The following MAP3K20 variants were observed in gnomAD, a reference collection of about 807,000 sequenced individuals.
MAP3K20 encodes the protein mitogen-activated protein kinase kinase kinase 20.
A neutral mutation model predicts 85.7 loss-of-function variants in MAP3K20; 40 were observed. That is an observed-to-expected ratio of 0.47 (90% confidence interval 0.36 to 0.61). The LOEUF (loss-of-function observed/expected upper bound fraction) is 0.61, where lower values mean the gene tolerates loss of function less well. Ranked by LOEUF, MAP3K20 falls within the 20% of genes least tolerant of loss-of-function variation. MAP3K20 has a pLI of 0.00. For synonymous variants in MAP3K20, 325 were observed against 327.7 expected (o/e 0.99, Z 0.09); for missense variants, 817 against 961.7 (o/e 0.85, Z 1.99).
At position 173,267,768 on chromosome 2, in the gene MAP3K20, A is replaced by T. The variant is rs568918356; in HGVS notation, c.*1018A>T. ...ACAATAACATCACAAGCTAAAAGCCAGAGAAATTTAAAATTACCAACATCC... is the reference window on the plus strand; with the variant it reads ...ACAATAACATCACAAGCTAAAAGCCTGAGAAATTTAAAATTACCAACATCC... On this transcript the variant is annotated 3_prime_UTR_variant, in exon 20 of 20. Transcript: ENST00000375213. 2.0e-5 allele frequency: 3 copies of T among 152,388 alleles called. No homozygotes were observed. The East Asian group carries it at 5.8e-4, about 29-fold the overall frequency. The allele number at this position is 152,388 out of a possible 1,614,324, so 9.4% of individuals were successfully genotyped here. A position where few individuals can be genotyped will look rare whatever the true frequency, so the allele number is the denominator to read the frequency against.
At position 173,229,617 on chromosome 2, in the gene MAP3K20, A is replaced by T. The variant is rs10193498; in HGVS notation, c.988-72A>T. 0.27 allele frequency: 433,946 copies of T among 1,591,642 alleles called. 64,109 individuals carry two copies. The highest frequency in any genetic ancestry group is 0.62 in the East Asian group (27,708 of 44,622). ...AGCAGCTGAGAGCTGAAAGAGTGAG[A>T]CAAGAGGATGAACCAAAAAGACAAT... is the stretch of plus-strand genomic sequence containing the variant. On this transcript the variant is annotated intron_variant, in intron 11 of 19. Coordinates refer to ENST00000375213, the MANE Select transcript of MAP3K20 (RefSeq NM_016653.3).
chr2:173,219,528 A>G (rs897569078), intron 11 of MAP3K20, among the ~76,000 whole-genome samples: 2 of 152,220 alleles, frequency 1.3e-5, no homozygotes, highest in Non-Finnish European at 2.9e-5. Context: ...GCAATGAGCC[A>G]CAAAGAGTTC....
At chr2:173,086,458 A>G (rs1687149036) in intron 1 of MAP3K20, among the ~76,000 whole-genome samples, 1 of 152,230 alleles carries the variant, frequency 6.6e-6, no homozygotes, top group Admixed American at 6.5e-5. Context: ...TGCCAAGCTC[A>G]CTGGAGTTAA....
intron 2 of MAP3K20, among the ~76,000 whole-genome samples, chr2:173,126,669 C>A (rs1688453415): frequency 6.6e-6 from 1 of 152,052 alleles, no homozygotes; most frequent in Admixed American, 6.5e-5. Flanking sequence ...CGTGAGCCAC[C>A]GTGCCCAGCT....
chr2:173,210,074 G>A (rs571780738), intron 10 of MAP3K20: 15 of 456,242 alleles, frequency 3.3e-5, no homozygotes, highest in Non-Finnish European at 5.2e-5. Flanking sequence ...TATTGAGGCC[G>A]GTCGCGGTGG....
intron 9 of MAP3K20, 114 bp downstream of exon 9, chr2:173,203,984 C>T: frequency 2.2e-6 from 2 of 917,524 alleles, no homozygotes; most frequent in South Asian, 1.4e-5. Context: ...TGGATTGATG[C>T]TCCTATGAGC....
At chr2:173,076,515 C>G (rs1016233700) in intron 1 of MAP3K20, among the ~76,000 whole-genome samples, 1 of 152,252 alleles carries the variant, frequency 6.6e-6, no homozygotes, top group African/African-American at 2.4e-5. Flanking sequence ...CGACGAACTT[C>G]TGCTTTTCTA....
intron 1 of MAP3K20, among the ~76,000 whole-genome samples, chr2:173,080,768 G>A (rs923943136): frequency 6.6e-6 from 1 of 152,144 alleles, no homozygotes; most frequent in African/African-American, 2.4e-5. Flanking sequence ...GGGTATGTAG[G>A]TTTTCATAAC....
chr2:173,243,839 G>T (rs1189484734), intron 16 of MAP3K20, among the ~76,000 whole-genome samples: 4 of 152,150 alleles, frequency 2.6e-5, no homozygotes, highest in African/African-American at 7.2e-5. Flanking sequence ...TAGTAGCCAG[G>T]ATGGTCTCGA....
chr2:173,175,590 G>C (rs1690129732), intron 3 of MAP3K20, among the ~76,000 whole-genome samples: 1 of 152,080 alleles, frequency 6.6e-6, no homozygotes, highest in African/African-American at 2.4e-5. Context: ...CCATATGTAT[G>C]AAGTTTATAA....
rs372431136 is a variant in MAP3K20 at position 173,218,024 on chromosome 2, T to C, written c.987+774T>C. Among the ~76,000 whole-genome samples the C allele has an allele frequency of 1.9e-4, 29 of 152,326 alleles. 1 individual carries two copies. Among genetic ancestry groups the C allele is most frequent in the African/African-American group, 4.8e-4 (20 of 41,580 alleles). ...AGTATAAATTTATAATTGTTTTTTTTCCCAGGGTTTTTAATGGGCAATATT... is the reference window on the plus strand; with the variant it reads ...AGTATAAATTTATAATTGTTTTTTTCCCCAGGGTTTTTAATGGGCAATATT... On this transcript the variant is annotated intron_variant, in intron 11 of 19. Coordinates refer to ENST00000375213, the MANE Select transcript of MAP3K20 (RefSeq NM_016653.3).
chr2:173,149,901 A>G (rs1254921414), intron 2 of MAP3K20, among the ~76,000 whole-genome samples: 8 of 152,216 alleles, frequency 5.3e-5, no homozygotes, highest in Non-Finnish European at 2.9e-5. Context: ...TACAGTACAT[A>G]TTTTGGGGCC....
chr2:173,127,477 A>G (rs1045971962), intron 2 of MAP3K20, among the ~76,000 whole-genome samples: 3 of 152,250 alleles, frequency 2.0e-5, no homozygotes, highest in Non-Finnish European at 4.4e-5. Flanking sequence ...CCCAGCTTAC[A>G]ACAAGCACGT....
At chr2:173,111,683 C>T (rs947341248) in intron 2 of MAP3K20, among the ~76,000 whole-genome samples, 1 of 152,154 alleles carries the variant, frequency 6.6e-6, no homozygotes, top group Non-Finnish European at 1.5e-5. Context: ...AAAAGGGTGT[C>T]CTTTCCCCAC....
chr2:173,221,634 C>T, intron 11 of MAP3K20: 1 of 1,343,908 alleles, frequency 7.4e-7, no homozygotes, highest in Non-Finnish European at 9.6e-7. Context: ...AAGCCAAGCA[C>T]TGCATTTTTA....
rs776525137 is a variant in MAP3K20 at position 173,261,106 on chromosome 2, G to A, written c.1520G>A (p.Ser507Asn). The A allele has an allele frequency of 6.2e-7, 1 of 1,613,710 alleles. No homozygotes were observed. The highest frequency in any genetic ancestry group is 1.7e-5 in the Admixed American group (1 of 60,020). The stretch of plus-strand genomic sequence containing the variant: ...AAGTGGATTGTAGGAATAGCAAAAA[G>A]TCAGACTGTGGAGTGCACTGTCACA... ...MEKWIVGIAK[S>N]QTVECTVTYE... Residue 507 changes from serine to asparagine, a missense_variant, in exon 18 of 20, where the codon AGT (serine) becomes AAT (asparagine). By Grantham distance (46) the Ser-to-Asn change is conservative. Coordinates refer to ENST00000375213, the MANE Select transcript of MAP3K20 (RefSeq NM_016653.3).
At chr2:173,137,159 G>A (rs1054153692) in intron 2 of MAP3K20, among the ~76,000 whole-genome samples, 15 of 152,144 alleles carry the variant, frequency 9.9e-5, no homozygotes, top group African/African-American at 3.4e-4. Context: ...GTGTTAAAGC[G>A]TTAGATTTGA....
intron 7 of MAP3K20, 27 bp from the exon 8 acceptor site, chr2:173,197,999 A>T: frequency 6.3e-7 from 1 of 1,596,910 alleles, no homozygotes; most frequent in Non-Finnish European, 8.5e-7. Flanking sequence ...GTACAAAAAT[A>T]AAAATTCCAT....
At chr2:173,116,281 GA>G (rs1171848589) in intron 2 of MAP3K20, among the ~76,000 whole-genome samples, 1 of 152,122 alleles carries the variant, frequency 6.6e-6, no homozygotes, top group African/African-American at 2.4e-5. Context: ...CTGTTGGTGA[GA>G]ACACTTAAAA....
Sources: gnomAD v4.1 joint callset for allele counts (sites outside exome capture counted in the v4.1 genomes callset) on GRCh38, gnomAD v4.1.1 for gene constraint, MANE v1.5 for transcripts, NCBI Gene and HGNC (gene_info 2026-07-23, HGNC 2026-07-21) for gene names.